Variants in POLR2G observed in about 807,000 individuals in gnomAD.
POLR2G encodes DNA-directed RNA polymerase II subunit RPB7.
Under a neutral mutation model 25.7 loss-of-function variants are expected in POLR2G, and 19 were observed. The observed-to-expected ratio is 0.74, with a 90% CI of 0.52 to 1.08. The LOEUF (loss-of-function observed/expected upper bound fraction) is 1.08, where lower values mean the gene tolerates loss of function less well. Ranked by LOEUF, POLR2G falls within the 50% of genes least tolerant of loss-of-function variation. The probability of loss-of-function intolerance (pLI) is 0.00; values close to 1 mark genes in which losing one functional copy is unlikely to be tolerated. For synonymous variants in POLR2G, 79 were observed against 76.0 expected, an observed-to-expected ratio of 1.04 and a Z score of -0.21; for missense variants, 123 against 218.5, an observed-to-expected ratio of 0.56 and a Z score of 2.76.
intron 2 of POLR2G, 165 bp from the exon 3 acceptor site, chr11:62,762,702 G>A (rs1253988968): frequency 4.7e-6 from 3 of 638,128 alleles, no homozygotes; most frequent in Non-Finnish European, 8.8e-6. Context: ...ACTGATCTCT[G>A]TTCTGTCTTC....
chr11:62,763,808 T>G (rs2084101337), intron 3 of POLR2G, among the ~76,000 whole-genome samples: 1 of 150,292 alleles, frequency 6.7e-6, no homozygotes, highest in Non-Finnish European at 1.5e-5. Context: ...AGTGGCGCAA[T>G]CTCGGCTCGC....
chr11:62,765,257 G>T (rs1420217396), intron 4 of POLR2G, 25 bp downstream of exon 4: 4 of 1,612,846 alleles, frequency 2.5e-6, no homozygotes, highest in Non-Finnish European at 1.7e-6. Flanking sequence ...ACTGGGTGGG[G>T]CTGAGGAAGA....
In POLR2G at chr11:62,761,777, T is replaced by G. The variant is rs1195792088; in HGVS notation, c.13-18T>G. The G allele has an allele frequency of 1.2e-6, 2 of 1,612,444 alleles. No homozygotes were observed. The highest frequency in any genetic ancestry group is 1.1e-5 in the South Asian group (1 of 91,040). ...CTGCCAGCGCCTGGCCTGGTCGCCA[T>G]CCCACTTTTCTCCGCAGATCTCCCT... On this transcript the variant is annotated intron_variant, in intron 1 of 7. Coordinates refer to ENST00000301788, the MANE Select transcript of POLR2G (RefSeq NM_002696.3).
chr11:62,765,783 T>G lies in POLR2G; in HGVS notation c.471+59T>G, dbSNP rs973810627. 3 of 1,039,846 alleles carry G rather than the reference T, an allele frequency of 2.9e-6. No homozygotes were observed. The African/African-American group carries it at 4.8e-5, about 17-fold the overall frequency. The allele number at this position is 1,039,846 out of a possible 1,614,324, so 64.4% of individuals were successfully genotyped here. On this transcript the variant is annotated intron_variant, in intron 6 of 7. Coordinates refer to ENST00000301788, the MANE Select transcript of POLR2G (RefSeq NM_002696.3). ...GGTTGAGCTGAGAACTGTCGATTTC[T>G]TTTTTCTTTTTTTTTTTTTTTTGAG...
At chr11:62,763,129 C>CT (rs149301237) in intron 3 of POLR2G, 103 bp downstream of exon 3, 36,621 of 272,802 alleles carry the variant, frequency 0.13, 1,322 homozygotes, top group East Asian at 0.17. Context: ...AGTCACTTCA[C>CT]TTTTTTTTTT....
chr11:62,763,637 A>G (rs2084100399), intron 3 of POLR2G, among the ~76,000 whole-genome samples: 2 of 151,738 alleles, frequency 1.3e-5, no homozygotes, highest in Middle Eastern at 6.8e-3. Context: ...CCTAACTCAG[A>G]GGGCAAGAGA....
intron 3 of POLR2G, 103 bp downstream of exon 3, chr11:62,763,129 C>CTTTTTT (rs149301237): frequency 6.9e-5 from 19 of 275,348 alleles, no homozygotes; most frequent in South Asian, 3.0e-4. Context: ...AGTCACTTCA[C>CTTTTTT]TTTTTTTTTT....
rs540760833 is a variant in POLR2G, at chr11:62,763,358, G to T, written c.282+332G>T. On this transcript the variant is annotated intron_variant, in intron 3 of 7. Transcript: ENST00000301788. ...CACCCAGGCTGGTGTGCAGTGGCGAGATCTCCACTCACTGCAAGCTCCGCC... is the reference window on the plus strand; with the variant it reads ...CACCCAGGCTGGTGTGCAGTGGCGATATCTCCACTCACTGCAAGCTCCGCC... 8.0e-5 allele frequency among the ~76,000 whole-genome samples: 12 copies of T among 149,886 alleles called. No individual in the cohort carries two copies. The East Asian group carries it at 2.2e-3, about 27-fold the overall frequency.
Position 62,763,177 on chromosome 11 carries a change from G to A in POLR2G, c.282+151G>A, listed in dbSNP as rs556466204. On this transcript the variant is annotated intron_variant, in intron 3 of 7. Transcript: ENST00000301788. The stretch of plus-strand genomic sequence containing the variant: ...TGAGAGAGTTTTGCTCTGTTGCCCA[G>A]GCTGGAGTGCAGTGGTGCGATCTTG... 2.8e-5 allele frequency: 13 copies of A among 468,068 alleles called. No individual in the cohort carries two copies. The East Asian group carries it at 4.2e-4, about 15-fold the overall frequency. 29.0% of individuals were successfully genotyped at this position (468,068 alleles called of 1,614,324 possible). A position where few individuals can be genotyped will look rare whatever the true frequency, so the allele number is the denominator to read the frequency against.
chr11:62,764,332 G>A (rs954933559), intron 3 of POLR2G, among the ~76,000 whole-genome samples: 1 of 152,028 alleles, frequency 6.6e-6, no homozygotes, highest in Non-Finnish European at 1.5e-5. Context: ...ATTGTGGCAT[G>A]TGCGTGTAGT....
intron 6 of POLR2G, 71 bp downstream of exon 6, chr11:62,765,795 T>C (rs2084112804): frequency 5.9e-6 from 6 of 1,009,574 alleles, no homozygotes; most frequent in Middle Eastern, 3.0e-4. Context: ...TTTTCTTTTT[T>C]TTTTTTTTTT....
In POLR2G at chr11:62,761,949, A is replaced by T; in HGVS notation, c.122+45A>T. 5 of 1,383,968 alleles carry T rather than the reference A, an allele frequency of 3.6e-6. No homozygotes were observed. In the South Asian group the frequency reaches 5.8e-5, roughly 16 times the overall value. 85.7% of individuals were successfully genotyped at this position (1,383,968 alleles called of 1,614,324 possible). A position where few individuals can be genotyped will look rare whatever the true frequency, so the allele number is the denominator to read the frequency against. ...CACCGCCAGATCGTTCGATGCGCACACGGGGCGCTATACCTGCAACCCCTC... is the reference window on the plus strand; with the variant it reads ...CACCGCCAGATCGTTCGATGCGCACTCGGGGCGCTATACCTGCAACCCCTC... On this transcript the variant is annotated intron_variant, in intron 2 of 7. Transcript: ENST00000301788.
At chr11:62,763,508 A>G (rs2084099531) in intron 3 of POLR2G, among the ~76,000 whole-genome samples, 1 of 150,680 alleles carries the variant, frequency 6.6e-6, no homozygotes, top group Non-Finnish European at 1.5e-5. Context: ...GTTAGCCAGG[A>G]TGGTCTCGAT....
At chr11:62,764,865 G>T (rs1271815304) in intron 3 of POLR2G, among the ~76,000 whole-genome samples, 1 of 144,020 alleles carries the variant, frequency 6.9e-6, no homozygotes, top group Non-Finnish European at 1.5e-5. Flanking sequence ...TCACTCTTTT[G>T]TTTTTTTTTT....
chr11:62,766,277 G>T lies in POLR2G; in HGVS notation c.505+1G>T, dbSNP rs1481762584. On this transcript the variant is annotated splice_donor_variant, in intron 7 of 7. Transcript: ENST00000301788. LOFTEE classifies it high-confidence loss of function. ...GGCTCCCTGATGGACGATTACTTGG[G>T]TGAGTGCCTGATCATAGGTGCTGGG... is the stretch of plus-strand genomic sequence containing the variant. 7.4e-6 allele frequency: 12 copies of T among 1,613,366 alleles called. No homozygotes were observed.
intron 5 of POLR2G, 68 bp downstream of exon 5, chr11:62,765,473 T>A: frequency 7.6e-7 from 1 of 1,320,872 alleles, no homozygotes; most frequent in Non-Finnish European, 1.1e-6. Context: ...AATATTGGCC[T>A]GGGGATGGCT....
chr11:62,761,708 C>A, intron 1 of POLR2G, 48 bp downstream of exon 1: 1 of 1,609,738 alleles, frequency 6.2e-7, no homozygotes, highest in South Asian at 1.1e-5. Flanking sequence ...AAAGGAAGAG[C>A]AAGGCCAGGC....
intron 3 of POLR2G, 74 bp downstream of exon 3, chr11:62,763,100 A>G: frequency 1.1e-6 from 1 of 898,976 alleles, no homozygotes; most frequent in Non-Finnish European, 1.6e-6. Flanking sequence ...TCCACTTCAT[A>G]ACTCTGTGCC....
Position 62,761,832 on chromosome 11 carries a change from A to G in POLR2G, c.50A>G (p.Tyr17Cys). Residue 17 changes from tyrosine (Y) to cysteine (C), a missense_variant, in exon 2 of 8, where the codon TAC (tyrosine) becomes TGC (cysteine). By Grantham distance (194) the Tyr-to-Cys change is radical (BLOSUM62 -2). Transcript: ENST00000301788. ...CACGAAATCCTGCTGCACCCGCGCTACTTCGGCCCCAACTTGCTCAACACG... is the reference window on the plus strand; with the variant it reads ...CACGAAATCCTGCTGCACCCGCGCTGCTTCGGCCCCAACTTGCTCAACACG... ...LEHEILLHPR[Y>C]FGPNLLNTVK... 6.2e-7 allele frequency: 1 copy of G among 1,614,014 alleles called. No individual in the cohort carries two copies. Among genetic ancestry groups the G allele is most frequent in the Non-Finnish European group, 8.5e-7 (1 of 1,180,022 alleles).
Sources: gnomAD v4.1 joint callset for allele counts (sites outside exome capture counted in the v4.1 genomes callset) on GRCh38, gnomAD v4.1.1 for gene constraint, MANE v1.5 for transcripts, NCBI Gene and HGNC (gene_info 2026-07-23, HGNC 2026-07-21) for gene names.